The following TAF4B variants were observed in gnomAD, a reference collection of about 807,000 sequenced individuals.
TAF4B encodes transcription initiation factor TFIID subunit 4B.
TAF4B carries 38 observed loss-of-function variants against 86.4 expected under a neutral mutation model. The ratio of observed to expected loss-of-function variants is 0.44; its 90% CI spans 0.34 to 0.58. The LOEUF (loss-of-function observed/expected upper bound fraction) is 0.58. TAF4B is among the 20% of genes least tolerant of loss of function. The pLI, the probability that TAF4B is intolerant of heterozygous loss-of-function variation, is 0.02. For missense variants in TAF4B, 988 were observed against 1,027.6 expected, an observed-to-expected ratio of 0.96 and a Z score of 0.53; for synonymous variants, 388 against 391.2, an observed-to-expected ratio of 0.99 and a Z score of 0.10.
intron 1 of TAF4B, among the ~76,000 whole-genome samples, chr18:26,256,699 T>C (rs1352284705): frequency 6.6e-6 from 1 of 152,142 alleles, no homozygotes; most frequent in Non-Finnish European, 1.5e-5. Flanking sequence ...GATTTTGGTA[T>C]GCTGTATCTT....
intron 1 of TAF4B, among the ~76,000 whole-genome samples, chr18:26,250,544 A>G (rs1356901224): frequency 6.6e-6 from 1 of 151,504 alleles, no homozygotes; most frequent in African/African-American, 2.4e-5. Flanking sequence ...GGGTTTCACC[A>G]TTTCGCCCAG....
chr18:26,286,309 C>T lies in TAF4B; in HGVS notation c.1400C>T (p.Pro467Leu). Residue 467 changes from proline (P) to leucine (L), a missense_variant, in exon 7 of 15, where the codon CCA becomes CTA. Physicochemically the swap from Pro to Leu is moderately conservative, Grantham distance 98. Transcript: ENST00000269142. ...GGAACAGCAGTAACACTGTCCCTTC[C>T]AGCAGTAACTTTTGGAGAAACTTCA... ...VSGTAVTLSL[P>L]AVTFGETSGA... 1 of 1,614,230 alleles carries T rather than the reference C, an allele frequency of 6.2e-7. No homozygotes were observed. The highest frequency in any genetic ancestry group is 1.3e-5 in the African/African-American group (1 of 75,066).
intron 9 of TAF4B, among the ~76,000 whole-genome samples, chr18:26,310,689 G>A (rs542986408): frequency 2.4e-4 from 36 of 152,224 alleles, no homozygotes; most frequent in African/African-American, 6.0e-4. Flanking sequence ...CATTTTACAC[G>A]AAATTTATAA....
At position 26,286,179 on chromosome 18, in the gene TAF4B, A is replaced by G; in HGVS notation, c.1270A>G (p.Thr424Ala). ...GGGCCCAACTGCTGCAACAGGAGGA[A>G]CAACAGCTGGAACTGGTTTGCTTCA... ...SVGPTAATGGTTAGTGLLQTS... is the reference protein window; with the variant it reads ...SVGPTAATGGATAGTGLLQTS... Residue 424 changes from threonine to alanine, a missense_variant, in exon 7 of 15, where the codon ACA becomes GCA. By Grantham distance (58) the Thr-to-Ala change is moderately conservative (BLOSUM62 0). Transcript: ENST00000269142. The G allele has an allele frequency of 1.2e-6, 2 of 1,614,238 alleles. No individual in the cohort carries two copies. The highest frequency in any genetic ancestry group is 2.2e-5 in the South Asian group (2 of 91,080).
chr18:26,385,914 A>G (rs12954316), intron 14 of TAF4B, among the ~76,000 whole-genome samples: 46,430 of 151,938 alleles, frequency 0.31, 7,660 homozygotes, highest in African/African-American at 0.4. Flanking sequence ...AACTGAGAGT[A>G]GCTGGTTATT....
At chr18:26,244,875 T>C (rs2055898556) in intron 1 of TAF4B, among the ~76,000 whole-genome samples, 2 of 152,176 alleles carry the variant, frequency 1.3e-5, no homozygotes, top group Non-Finnish European at 2.9e-5. Flanking sequence ...ATAGGATAGA[T>C]GGGTGAGTCT....
At chr18:26,360,799 G>T (rs578036804) in intron 14 of TAF4B, among the ~76,000 whole-genome samples, 21 of 152,138 alleles carry the variant, frequency 1.4e-4, no homozygotes, top group African/African-American at 4.8e-4. Context: ...TATGTATTTG[G>T]GTCTGTTTCT....
At chr18:26,250,581 C>T (rs1183001100) in intron 1 of TAF4B, among the ~76,000 whole-genome samples, 3 of 151,994 alleles carry the variant, frequency 2.0e-5, no homozygotes, top group East Asian at 1.9e-4. Context: ...TGAGCTGAAG[C>T]GATCCACCCA....
intron 5 of TAF4B, among the ~76,000 whole-genome samples, chr18:26,278,784 A>G (rs2056412896): frequency 6.6e-6 from 1 of 152,116 alleles, no homozygotes; most frequent in Non-Finnish European, 1.5e-5. Context: ...GTTAGTATTA[A>G]TGGAAAATAA....
intron 1 of TAF4B, among the ~76,000 whole-genome samples, chr18:26,261,377 T>C (rs1411141863): frequency 1.3e-5 from 2 of 151,758 alleles, no homozygotes; most frequent in African/African-American, 4.8e-5. Context: ...ATTTTTTGTA[T>C]TTTTAGTAGA....
At chr18:26,290,605 G>GT (rs2144607376) in intron 7 of TAF4B, among the ~76,000 whole-genome samples, 1 of 152,244 alleles carries the variant, frequency 6.6e-6, no homozygotes, top group East Asian at 1.9e-4. Flanking sequence ...TATTGGGATA[G>GT]TTTTTGTGAT....
chr18:26,376,609 A>T (rs2057444929), intron 14 of TAF4B, among the ~76,000 whole-genome samples: 1 of 151,888 alleles, frequency 6.6e-6, no homozygotes, highest in Admixed American at 6.6e-5. Context: ...TATATACAAG[A>T]TCATGTCATC....
intron 1 of TAF4B, among the ~76,000 whole-genome samples, chr18:26,232,199 G>C (rs2055682381): frequency 6.6e-6 from 1 of 152,150 alleles, no homozygotes; most frequent in East Asian, 1.9e-4. Flanking sequence ...AGGAAGTCCA[G>C]CTGGCTTCAC....
At chr18:26,327,193 G>T (rs2057011402) in intron 12 of TAF4B, 53 bp downstream of exon 12, 6 of 1,572,374 alleles carry the variant, frequency 3.8e-6, no homozygotes, top group African/African-American at 1.4e-5. Flanking sequence ...GTGGTCAGAG[G>T]TGGCTTTATC....
chr18:26,281,117 A>G (rs183952262), intron 5 of TAF4B, among the ~76,000 whole-genome samples: 18 of 152,332 alleles, frequency 1.2e-4, no homozygotes, highest in Non-Finnish European at 2.2e-4. Context: ...AAAGATGGGA[A>G]CAATAGACAC....
intron 14 of TAF4B, among the ~76,000 whole-genome samples, chr18:26,375,531 G>A (rs1294118197): frequency 6.6e-6 from 1 of 151,994 alleles, no homozygotes; most frequent in Non-Finnish European, 1.5e-5. Flanking sequence ...AATGCACAAG[G>A]GTTCCACTTT....
intron 13 of TAF4B, among the ~76,000 whole-genome samples, chr18:26,356,313 A>G (rs2057288796): frequency 6.6e-6 from 1 of 152,208 alleles, no homozygotes; most frequent in Non-Finnish European, 1.5e-5. Context: ...GGATTTCAAC[A>G]TTAGAAGTTT....
chr18:26,265,873 A>G (rs1380803663), intron 2 of TAF4B: 1 of 152,022 alleles, frequency 6.6e-6, no homozygotes, highest in Non-Finnish European at 1.5e-5. Flanking sequence ...TCTTAAATGG[A>G]AAGAATATAA....
At chr18:26,242,001 C>T (rs910280908) in intron 1 of TAF4B, among the ~76,000 whole-genome samples, 2 of 152,112 alleles carry the variant, frequency 1.3e-5, no homozygotes, top group African/African-American at 4.8e-5. Flanking sequence ...TGCTTTACTT[C>T]GAACTATGTG....
Sources: gnomAD v4.1 joint callset for allele counts (sites outside exome capture counted in the v4.1 genomes callset) on GRCh38, gnomAD v4.1.1 for gene constraint, MANE v1.5 for transcripts, NCBI Gene and HGNC (gene_info 2026-07-23, HGNC 2026-07-21) for gene names.